The following CKMT2 variants were observed in gnomAD, a reference collection of about 807,000 sequenced individuals.
CKMT2 encodes the protein creatine kinase, mitochondrial 2.
In CKMT2, 43 loss-of-function variants were observed where a neutral mutation model predicts 48.9. That is an observed-to-expected ratio of 0.88 (90% CI 0.69 to 1.13). CKMT2 has a LOEUF of 1.13. Ranked by LOEUF, CKMT2 falls within the 50% of genes most tolerant of loss-of-function variation. CKMT2 has a pLI of 0.00. For missense variants in CKMT2, 472 were observed against 555.4 expected (o/e 0.85, Z 1.51); for synonymous variants, 206 against 213.0 (o/e 0.97, Z 0.29).
chr5:81,252,340 C>A (rs1756845623), intron 2 of CKMT2: 1 of 260,652 alleles, frequency 3.8e-6, no homozygotes, highest in Non-Finnish European at 7.4e-6. Context: ...CCTGAGGTGA[C>A]ATGACTTGTG....
chr5:81,252,411 A>G, intron 2 of CKMT2: 1 of 454,524 alleles, frequency 2.2e-6, no homozygotes, highest in South Asian at 2.1e-5. Context: ...CCAGGGTAAG[A>G]CAGCACCCAA....
Position 81,254,452 on chromosome 5 carries a change from C to G in CKMT2, c.408C>G (p.Pro136=), listed in dbSNP as rs1411532780. ...VIKLRHNGYD[P]RVMKHTTDLD... The stretch of plus-strand genomic sequence containing the variant: ...AACTAAGACACAACGGCTATGACCC[C>G]AGGGTGATGAAGCACACAACGGATC... Residue 136 remains proline, a synonymous_variant, in exon 4 of 10, where the codon CCC becomes CCG. Coordinates refer to ENST00000254035, the MANE Select transcript of CKMT2 (RefSeq NM_001099735.2). 1 of 1,614,146 alleles carries G rather than the reference C, an allele frequency of 6.2e-7. No individual in the cohort carries two copies. The highest frequency in any genetic ancestry group is 2.2e-5 in the East Asian group (1 of 44,882).
intron 1 of CKMT2, chr5:81,237,981 A>T (rs1756300313): frequency 6.6e-6 from 1 of 152,204 alleles, no homozygotes; most frequent in African/African-American, 2.4e-5. Flanking sequence ...ATCTCTTATT[A>T]ATTTCTAATC....
rs1487094034 is a variant in CKMT2, at chr5:81,257,288, G to A, written c.755+288G>A. Among the ~76,000 whole-genome samples, 8 of 152,214 alleles carry A rather than the reference G, an allele frequency of 5.3e-5. No homozygotes were observed. In the East Asian group the frequency reaches 5.8e-4, roughly 11 times the overall value. ...AAAAATGTTCATGTGCAGCTGCTCT[G>A]TAGGGATGGACAGGCAGGATCCATG... On this transcript the variant is annotated intron_variant, in intron 6 of 9. Coordinates refer to ENST00000254035, the MANE Select transcript of CKMT2 (RefSeq NM_001099735.2).
intron 1 of CKMT2, chr5:81,247,086 G>C (rs1450442151): frequency 6.6e-6 from 1 of 152,252 alleles, no homozygotes; most frequent in Non-Finnish European, 1.5e-5. Context: ...GAGGGTGTCT[G>C]AATGCTTGAG....
At chr5:81,241,180 C>T (rs960518989) in intron 1 of CKMT2, among the ~76,000 whole-genome samples, 8 of 152,142 alleles carry the variant, frequency 5.3e-5, no homozygotes, top group African/African-American at 1.2e-4. Flanking sequence ...ATTGTCCACC[C>T]GACTGGAGCC....
intron 8 of CKMT2, among the ~76,000 whole-genome samples, chr5:81,260,006 A>C (rs1263238914): frequency 1.3e-5 from 2 of 152,172 alleles, no homozygotes; most frequent in Admixed American, 1.3e-4. Flanking sequence ...AAAAGAACGG[A>C]TATCATAACA....
intron 6 of CKMT2, among the ~76,000 whole-genome samples, chr5:81,257,246 C>G (rs977847391): frequency 4.0e-5 from 6 of 151,266 alleles, no homozygotes; most frequent in African/African-American, 1.5e-4. Flanking sequence ...AATTATGTGC[C>G]TGAAGGAGCA....
chr5:81,264,194 TCA>T (rs1195696383), intron 9 of CKMT2, among the ~76,000 whole-genome samples: 2 of 152,230 alleles, frequency 1.3e-5, no homozygotes, highest in African/African-American at 4.8e-5. Flanking sequence ...TGAAAAGGAT[TCA>T]TAGACTTTGT....
At chr5:81,234,897 TAG>T (rs1047457645) in intron 1 of CKMT2, among the ~76,000 whole-genome samples, 3 of 152,048 alleles carry the variant, frequency 2.0e-5, no homozygotes, top group Non-Finnish European at 4.4e-5. Flanking sequence ...GGAAGCCACG[TAG>T]AGTCTGTGTC....
intron 8 of CKMT2, among the ~76,000 whole-genome samples, chr5:81,260,090 G>C (rs1010092129): frequency 2.6e-5 from 4 of 152,170 alleles, no homozygotes; most frequent in East Asian, 3.8e-4. Context: ...CGAATACATG[G>C]AAATTGAACA....
chr5:81,242,274 T>G (rs1479760707), intron 1 of CKMT2: 2 of 297,374 alleles, frequency 6.7e-6, no homozygotes, highest in Non-Finnish European at 1.3e-5. Context: ...TCACATCATA[T>G]AAGTAGATTT....
intron 3 of CKMT2, among the ~76,000 whole-genome samples, chr5:81,254,048 C>G (rs76443304): frequency 1.3e-5 from 2 of 152,134 alleles, no homozygotes; most frequent in African/African-American, 2.4e-5. Context: ...AGAGCAAACA[C>G]GTCTAGGAAA....
intron 1 of CKMT2, among the ~76,000 whole-genome samples, chr5:81,241,936 T>C (rs1429229075): frequency 1.3e-5 from 2 of 151,082 alleles, no homozygotes; most frequent in Admixed American, 6.6e-5. Flanking sequence ...TCCTTTCCAA[T>C]CTGCCTGCTC....
intron 1 of CKMT2, among the ~76,000 whole-genome samples, chr5:81,246,283 C>T (rs978480617): frequency 5.9e-5 from 9 of 151,816 alleles, no homozygotes; most frequent in Non-Finnish European, 1.3e-4. Context: ...CTCCCCTACA[C>T]CCTGCCCGTC....
Position 81,265,354 on chromosome 5 carries a change from C to T in CKMT2, c.1141-785C>T, listed in dbSNP as rs189626369. On this transcript the variant is annotated intron_variant, in intron 9 of 9. Transcript: ENST00000254035. ...GCATATAAAGAGATAGATAGGGAGG[C>T]AGCTGGAGTATGTGATGCCTGAGAG... Among the ~76,000 whole-genome samples, 7 of 152,284 alleles carry T rather than the reference C, an allele frequency of 4.6e-5. No individual in the cohort carries two copies. In the East Asian group the frequency reaches 1.3e-3, roughly 29 times the overall value.
intron 1 of CKMT2, among the ~76,000 whole-genome samples, chr5:81,234,512 C>T (rs1018621206): frequency 3.3e-5 from 5 of 152,172 alleles, no homozygotes; most frequent in African/African-American, 1.2e-4. Context: ...CAGGCTCTTC[C>T]GGGAGGCTCT....
In CKMT2 at chr5:81,254,408, CT is replaced by C; in HGVS notation, c.369del (p.Phe123LeufsTer7). The C allele has an allele frequency of 6.2e-7, 1 of 1,613,946 alleles. No individual in the cohort carries two copies. The highest frequency in any genetic ancestry group is 8.5e-7 in the Non-Finnish European group (1 of 1,179,876). On this transcript the variant is annotated frameshift_variant, in exon 4 of 10. Transcript: ENST00000254035. LOFTEE classifies it high-confidence loss of function. Reference protein sequence around the residue: ...DEESYEVFADLFDPVIKLRHN... With the variant: ...DEESYEVFADXFDPVIKLRHN... ...TTCCCTCCTGCAGGTGTTTGCTGAC[CT>C]TTTTGACCCCGTCATCAAACTAAGA...
At chr5:81,257,707 CAG>C (rs1757062063) in intron 6 of CKMT2, 24 bp from the exon 7 acceptor site, 15 of 1,598,408 alleles carry the variant, frequency 9.4e-6, no homozygotes, top group Non-Finnish European at 1.2e-5. Flanking sequence ...AATTAACACT[CAG>C]TACCATATTT....
Sources: allele counts gnomAD v4.1 joint callset (sites outside exome capture counted in the v4.1 genomes callset), GRCh38; gene constraint gnomAD v4.1.1; transcripts MANE v1.5; gene names NCBI Gene and HGNC (gene_info 2026-07-23, HGNC 2026-07-21).